The following NDST4 variants were observed in gnomAD, a reference collection of about 807,000 sequenced individuals.
NDST4 encodes the protein N-heparan sulfate sulfotransferase 4.
Under a neutral mutation model 100.8 loss-of-function variants are expected in NDST4, and 63 were observed. The observed-to-expected ratio is 0.62, with a 90% CI of 0.51 to 0.77. The LOEUF (loss-of-function observed/expected upper bound fraction) is 0.77, where lower values mean the gene tolerates loss of function less well. Ranked by LOEUF, NDST4 falls within the 30% of genes least tolerant of loss-of-function variation. The probability of loss-of-function intolerance (pLI) is 0.00; values close to 1 mark genes in which losing one functional copy is unlikely to be tolerated. For missense variants in NDST4, 943 were observed against 1,018.4 expected (o/e 0.93, Z 1.01); for synonymous variants, 377 against 361.8 (o/e 1.04, Z -0.48).
chr4:115,003,429 T>C (rs1578445022), intron 2 of NDST4, among the ~76,000 whole-genome samples: 2 of 152,276 alleles, frequency 1.3e-5, no homozygotes, highest in South Asian at 2.1e-4. Flanking sequence ...TCTCACCATG[T>C]TCCTAAACCT....
chr4:115,065,596 A>T (rs555722275), intron 2 of NDST4, among the ~76,000 whole-genome samples: 1 of 150,718 alleles, frequency 6.6e-6, no homozygotes, highest in East Asian at 1.9e-4. Flanking sequence ...TTTAAGATAC[A>T]ATCATTAGTA....
chr4:114,838,473 G>GAAT (rs1454946556), intron 11 of NDST4, among the ~76,000 whole-genome samples: 2 of 152,164 alleles, frequency 1.3e-5, no homozygotes, highest in African/African-American at 4.8e-5. Context: ...ATACACCATG[G>GAAT]AATACTATGC....
chr4:115,018,179 C>T (rs1458352846), intron 2 of NDST4, among the ~76,000 whole-genome samples: 1 of 151,712 alleles, frequency 6.6e-6, no homozygotes, highest in East Asian at 1.9e-4. Flanking sequence ...ATAATTTATA[C>T]TCAAAAGTAC....
chr4:114,895,274 T>C (rs960199259), intron 6 of NDST4, among the ~76,000 whole-genome samples: 8 of 151,640 alleles, frequency 5.3e-5, no homozygotes, highest in South Asian at 2.1e-4. Flanking sequence ...AAGAATCAAA[T>C]AGACACAATT....
At chr4:114,828,974 G>A (rs540311844) in intron 13 of NDST4, among the ~76,000 whole-genome samples, 1 of 151,698 alleles carries the variant, frequency 6.6e-6, no homozygotes, top group South Asian at 2.1e-4. Context: ...TTCACATTTC[G>A]GATAAGATGT....
intron 8 of NDST4, among the ~76,000 whole-genome samples, chr4:114,849,639 A>G (rs980344247): frequency 2.0e-5 from 3 of 152,220 alleles, no homozygotes; most frequent in African/African-American, 7.2e-5. Flanking sequence ...ACCTTGATGG[A>G]AGACATGTTA....
intron 4 of NDST4, among the ~76,000 whole-genome samples, chr4:114,963,887 G>A (rs1003656009): frequency 6.6e-6 from 1 of 152,184 alleles, no homozygotes; most frequent in Non-Finnish European, 1.5e-5. Flanking sequence ...TTTCTAGTTA[G>A]ATGTGATAGG....
chr4:114,889,751 C>T (rs1037770569), intron 6 of NDST4, among the ~76,000 whole-genome samples: 1 of 152,096 alleles, frequency 6.6e-6, no homozygotes, highest in Non-Finnish European at 1.5e-5. Context: ...AAGCACAGAG[C>T]TTAATATTAG....
rs569090018 is a variant in NDST4 at position 115,011,463 on chromosome 4, A to AT, written c.979-34190dup. 6.5e-3 allele frequency among the ~76,000 whole-genome samples: 941 copies of AT among 144,526 alleles called. 7 individuals are homozygous for AT. Among genetic ancestry groups the AT allele is most frequent in the Admixed American group, 0.012 (171 of 14,248 alleles). 94.8% of individuals were successfully genotyped at this position (144,526 alleles called of 152,430 possible). The stretch of plus-strand genomic sequence containing the variant: ...TTTAGACTAACATGAAGGCATCACT[A>AT]TTTTTTTTTTTTCCTGCAATCTCCA... On this transcript the variant is annotated intron_variant, in intron 2 of 13. Transcript: ENST00000264363.
intron 1 of NDST4, among the ~76,000 whole-genome samples, chr4:115,106,933 T>C (rs748554303): frequency 1.3e-5 from 2 of 152,072 alleles, no homozygotes; most frequent in African/African-American, 2.4e-5. Context: ...GGTAGGAGGA[T>C]AGCTTGAGGC....
At chr4:115,091,530 C>T (rs538672181) in intron 1 of NDST4, among the ~76,000 whole-genome samples, 4 of 152,124 alleles carry the variant, frequency 2.6e-5, no homozygotes, top group East Asian at 3.9e-4. Context: ...AAAATTGTGG[C>T]TACAATTTCC....
intron 2 of NDST4, among the ~76,000 whole-genome samples, chr4:114,985,286 T>G (rs1726874727): frequency 6.6e-6 from 1 of 152,170 alleles, no homozygotes; most frequent in African/African-American, 2.4e-5. Context: ...CCATTTTTCT[T>G]TTTTGGTCTG....
chr4:115,103,213 C>T lies in NDST4; in HGVS notation c.-247+10231G>A, dbSNP rs1364174520. 2.6e-5 allele frequency among the ~76,000 whole-genome samples: 4 copies of T among 152,042 alleles called. No individual in the cohort carries two copies. The South Asian group carries it at 6.2e-4, about 24-fold the overall frequency. On this transcript the variant is annotated intron_variant, in intron 1 of 13. Transcript: ENST00000264363. ...TGCTGCTGGTGATGGAAAATAAACT[C>T]TTTCTAAATTGTCACTTTAAATCTA...
chr4:115,063,484 G>A (rs757844526), intron 2 of NDST4, among the ~76,000 whole-genome samples: 2 of 151,838 alleles, frequency 1.3e-5, no homozygotes, highest in Non-Finnish European at 2.9e-5. Context: ...AGGGCACCAT[G>A]TGTATTTCTA....
intron 2 of NDST4, among the ~76,000 whole-genome samples, chr4:115,027,448 T>C (rs1728011237): frequency 6.6e-6 from 1 of 152,136 alleles, no homozygotes; most frequent in African/African-American, 2.4e-5. Flanking sequence ...TCAGTCACTG[T>C]ATATTTGAGG....
intron 6 of NDST4, among the ~76,000 whole-genome samples, chr4:114,896,557 G>C (rs1268650431): frequency 6.6e-6 from 1 of 151,412 alleles, no homozygotes; most frequent in Non-Finnish European, 1.5e-5. Context: ...TCAGGAGGCG[G>C]AGGTTGCAGT....
At chr4:114,885,154 C>T (rs1388927555) in intron 6 of NDST4, among the ~76,000 whole-genome samples, 1 of 152,052 alleles carries the variant, frequency 6.6e-6, no homozygotes, top group Non-Finnish European at 1.5e-5. Context: ...TGCATGCCAA[C>T]AGGCTATATT....
chr4:114,873,384 GAATCTCAAGTAA>G (rs1724190746), intron 6 of NDST4, among the ~76,000 whole-genome samples: 1 of 151,092 alleles, frequency 6.6e-6, no homozygotes, highest in African/African-American at 2.4e-5. Context: ...GATTCATATG[GAATCTCAAGTAA>G]AATTTAAATC....
At chr4:114,891,793 A>G (rs1724604529) in intron 6 of NDST4, among the ~76,000 whole-genome samples, 1 of 152,080 alleles carries the variant, frequency 6.6e-6, no homozygotes, top group African/African-American at 2.4e-5. Context: ...CTTCAAAACT[A>G]TTTGAGGCCC....
Sources: allele counts gnomAD v4.1 joint callset (sites outside exome capture counted in the v4.1 genomes callset), GRCh38; gene constraint gnomAD v4.1.1; transcripts MANE v1.5; gene names NCBI Gene and HGNC (gene_info 2026-07-23, HGNC 2026-07-21).